Variants in FANCF observed in about 807,000 individuals in gnomAD.
The protein encoded by FANCF is FA complementation group F, also known as Fanconi anemia group F protein.
For missense variants in FANCF, 552 were observed against 481.8 expected (o/e 1.15, Z -1.36); for synonymous variants, 257 against 205.9 (o/e 1.25, Z -2.13).
rs1858574909 is a variant in FANCF, at chr11:22,622,609, C to T, written c.*2077G>A. ...AGTCCTTAAGAGAAAGTATATAAAG[C>T]TCTAATGCTGGTTTCATTTATTCAA... On this transcript the variant is annotated 3_prime_UTR_variant, in exon 1 of 1. Transcript: ENST00000327470. The T allele has an allele frequency of 5.5e-6, 1 of 183,084 alleles. No individual in the cohort carries two copies. The highest frequency in any genetic ancestry group is 1.2e-5 in the Non-Finnish European group (1 of 86,196). 11.3% of individuals were successfully genotyped at this position (183,084 alleles called of 1,614,324 possible).
In FANCF at chr11:22,625,817, C is replaced by G; in HGVS notation, c.-7G>C. 3 of 1,613,884 alleles carry G rather than the reference C, an allele frequency of 1.9e-6. No individual in the cohort carries two copies. The highest frequency in any genetic ancestry group is 2.5e-6 in the Non-Finnish European group (3 of 1,180,018). On this transcript the variant is annotated 5_prime_UTR_variant, in exon 1 of 1. Transcript: ENST00000327470. ...GCTGCAGAAGGGATTCCATGAGGTG[C>G]GCGAAGGCCCTACTTCCGCTTTCAC...
Position 22,625,089 on chromosome 11 carries a change from A to C in FANCF, c.722T>G (p.Leu241Arg). ...GEGSQVLVHW[L>R]LGNSEVFAAF... ...AGCAAAGACTTCCGAATTCCCCAGAAGCCAGTGGACTAGCACTTGGCTCCC... is the reference window on the plus strand; with the variant it reads ...AGCAAAGACTTCCGAATTCCCCAGACGCCAGTGGACTAGCACTTGGCTCCC... Residue 241 changes from leucine to arginine, a missense_variant, in exon 1 of 1, where the codon CTT becomes CGT. Transcript: ENST00000327470. The C allele has an allele frequency of 6.2e-7, 1 of 1,613,738 alleles. No homozygotes were observed. The highest frequency in any genetic ancestry group is 8.5e-7 in the Non-Finnish European group (1 of 1,179,732).
In FANCF at chr11:22,624,945, A is replaced by G. The variant is rs1177443868; in HGVS notation, c.866T>C (p.Leu289Pro). 1.2e-6 allele frequency: 2 copies of G among 1,614,190 alleles called. No individual in the cohort carries two copies. Among genetic ancestry groups the G allele is most frequent in the Non-Finnish European group, 1.7e-6 (2 of 1,180,034 alleles). Residue 289 changes from leucine to proline, a missense_variant, in exon 1 of 1, where the codon CTT becomes CCT. Coordinates refer to ENST00000327470, the MANE Select transcript of FANCF (RefSeq NM_022725.4). ...TDWGQRLHYD[L>P]QKGIWVGTES... ...AGTTCCAACCCAAATGCCTTTCTGA[A>G]GGTCATAGTGCAAACGTTGACCCCA...
Position 22,624,921 on chromosome 11 carries a change from G to T in FANCF, c.890C>A (p.Thr297Asn). The change falls in exon 1 of 1, where the codon ACT (threonine) becomes AAT (asparagine). Residue 297 changes from threonine to asparagine, a missense_variant. By Grantham distance (65) the Thr-to-Asn change is moderately conservative. Coordinates refer to ENST00000327470, the MANE Select transcript of FANCF (RefSeq NM_022725.4). ...YDLQKGIWVGTESQDVPWEEL... is the reference protein window; with the variant it reads ...YDLQKGIWVGNESQDVPWEEL... ...CTCCCAGGGCACATCTTGGGACTCA[G>T]TTCCAACCCAAATGCCTTTCTGAAG... is the stretch of plus-strand genomic sequence containing the variant. The T allele has an allele frequency of 6.2e-7, 1 of 1,614,190 alleles. No individual in the cohort carries two copies. The highest frequency in any genetic ancestry group is 8.5e-7 in the Non-Finnish European group (1 of 1,180,030).
In FANCF at chr11:22,624,534, T is replaced by C. The variant is rs766224915; in HGVS notation, c.*152A>G. On this transcript the variant is annotated 3_prime_UTR_variant, in exon 1 of 1. Coordinates refer to ENST00000327470, the MANE Select transcript of FANCF (RefSeq NM_022725.4). ...ATCCGTGACACTACATGCCAGCTAC[T>C]TTGCATATTTATAACTGTTTAATAA... The C allele has an allele frequency of 1.9e-5, 14 of 718,536 alleles. No homozygotes were observed. Among genetic ancestry groups the C allele is most frequent in the Non-Finnish European group, 3.3e-5 (14 of 426,466 alleles). The allele number at this position is 718,536 out of a possible 1,614,324, so 44.5% of individuals were successfully genotyped here. A position where few individuals can be genotyped will look rare whatever the true frequency, so the allele number is the denominator to read the frequency against.
chr11:22,624,415 C>T lies in FANCF; in HGVS notation c.*271G>A. On this transcript the variant is annotated 3_prime_UTR_variant, in exon 1 of 1. Coordinates refer to ENST00000327470, the MANE Select transcript of FANCF (RefSeq NM_022725.4). The stretch of plus-strand genomic sequence containing the variant: ...CTTTAAACGGTACACATATTTTCAA[C>T]ATTCTTACAAATGGGCCTTCTATTA... 4.0e-6 allele frequency: 2 copies of T among 494,052 alleles called. No individual in the cohort carries two copies. The highest frequency in any genetic ancestry group is 2.4e-5 in the South Asian group (1 of 41,064). 30.6% of individuals were successfully genotyped at this position (494,052 alleles called of 1,614,324 possible). A position where few individuals can be genotyped will look rare whatever the true frequency, so the allele number is the denominator to read the frequency against.
rs1366316961 is a variant in FANCF, at chr11:22,625,258, G to C, written c.553C>G (p.Pro185Ala). 4.3e-6 allele frequency: 7 copies of C among 1,614,012 alleles called. No homozygotes were observed. The highest frequency in any genetic ancestry group is 5.9e-6 in the Non-Finnish European group (7 of 1,180,046). The change falls in exon 1 of 1, where the codon CCC becomes GCC. Residue 185 changes from proline to alanine, a missense_variant. Transcript: ENST00000327470. ...QEVGKAEAER[P>A]ARFLSSLWER... ...CACAGGCTGCTGAGAAACCTGGCGG[G>C]ACGCTCCGCTTCGGCCTTCCCCACC...
In FANCF at chr11:22,622,706, C is replaced by T. The variant is rs1858576199; in HGVS notation, c.*1980G>A. ...GAAATAAAATAAATGACAGATACGG[C>T]TTCCACTTTCATGTTGCTTTTGTTT... On this transcript the variant is annotated 3_prime_UTR_variant, in exon 1 of 1. Transcript: ENST00000327470. 5.2e-6 allele frequency: 1 copy of T among 191,574 alleles called. No individual in the cohort carries two copies. Among genetic ancestry groups the T allele is most frequent in the African/African-American group, 2.3e-5 (1 of 43,046 alleles). 11.9% of individuals were successfully genotyped at this position (191,574 alleles called of 1,614,324 possible). A position where few individuals can be genotyped will look rare whatever the true frequency, so the allele number is the denominator to read the frequency against.
Position 22,624,637 on chromosome 11 carries a change from T to C in FANCF, c.*49A>G, listed in dbSNP as rs1299002206. 1 of 1,544,606 alleles carries C rather than the reference T, an allele frequency of 6.5e-7. No individual in the cohort carries two copies. The highest frequency in any genetic ancestry group is 1.4e-5 in the African/African-American group (1 of 73,346). On this transcript the variant is annotated 3_prime_UTR_variant, in exon 1 of 1. Coordinates refer to ENST00000327470, the MANE Select transcript of FANCF (RefSeq NM_022725.4). Reference sequence around the variant, plus strand: ...ATATTTGGTGAGAACATTGTAATTTTCATTTTGTAAACTATATATTCTATA... The same window carrying C: ...ATATTTGGTGAGAACATTGTAATTTCCATTTTGTAAACTATATATTCTATA...
At position 22,625,206 on chromosome 11, in the gene FANCF, AG is replaced by A. The variant is rs1479457172; in HGVS notation, c.604del (p.Leu202Ter). 8 of 1,613,658 alleles carry A rather than the reference AG, an allele frequency of 5.0e-6. No individual in the cohort carries two copies. The highest frequency in any genetic ancestry group is 6.8e-6 in the Non-Finnish European group (8 of 1,179,818). On this transcript the variant is annotated frameshift_variant, in exon 1 of 1. Transcript: ENST00000327470. LOFTEE classifies it low-confidence loss of function (END_TRUNC). ...CAACAGCGCCACCGCTATCACCTTC[AG>A]GAAGTTGTTCTGAGGCAAGCGCTCC... ...LWERLPQNNFLKVIAVALLQP... is the reference protein window; with the variant it reads ...LWERLPQNNFXKVIAVALLQP...
In FANCF at chr11:22,623,486, G is replaced by T; in HGVS notation, c.*1200C>A. The T allele has an allele frequency of 5.0e-6, 1 of 199,732 alleles. No individual in the cohort carries two copies. The highest frequency in any genetic ancestry group is 7.7e-5 in the East Asian group (1 of 12,928). The allele number at this position is 199,732 out of a possible 1,614,324, so 12.4% of individuals were successfully genotyped here. ...ATTCAAGGCAATCACTATCAGCTGT[G>T]GAACACCCAGGTAAACTAACACAAC... On this transcript the variant is annotated 3_prime_UTR_variant, in exon 1 of 1. Transcript: ENST00000327470.
chr11:22,625,662 C>G lies in FANCF; in HGVS notation c.149G>C (p.Arg50Pro), dbSNP rs371420932. The G allele has an allele frequency of 5.2e-5, 84 of 1,613,844 alleles. No homozygotes were observed. The highest frequency in any genetic ancestry group is 7.0e-5 in the Non-Finnish European group (83 of 1,179,976). Reference protein sequence around the residue: ...YLRHIHRRFGRHGPIRTALER... With the variant: ...YLRHIHRRFGPHGPIRTALER... Reference sequence around the variant, plus strand: ...CAGAGCCGTGCGAATGGGGCCATGCCGACCAAAGCGCCGATGGATGTGGCG... The same window carrying G: ...CAGAGCCGTGCGAATGGGGCCATGCGGACCAAAGCGCCGATGGATGTGGCG... Residue 50 changes from arginine to proline, a missense_variant, in exon 1 of 1, where the codon CGG becomes CCG. By Grantham distance (103) the Arg-to-Pro change is moderately radical. Coordinates refer to ENST00000327470, the MANE Select transcript of FANCF (RefSeq NM_022725.4).
In FANCF at chr11:22,624,816, C is replaced by A. The variant is rs766067137; in HGVS notation, c.995G>T (p.Cys332Phe). 1 of 1,614,182 alleles carries A rather than the reference C, an allele frequency of 6.2e-7. No individual in the cohort carries two copies. Among genetic ancestry groups the A allele is most frequent in the South Asian group, 1.1e-5 (1 of 91,084 alleles). The stretch of plus-strand genomic sequence containing the variant: ...TTCAAAATCTCCATCCTGCGCTTTA[C>A]AGGTCTCCAGGGCAGTTAGAACTTT... Reference protein sequence around the residue: ...KDKVLTALETCKAQDGDFEVP... With the variant: ...KDKVLTALETFKAQDGDFEVP... The change falls in exon 1 of 1, where the codon TGT (cysteine) becomes TTT (phenylalanine). Residue 332 changes from cysteine to phenylalanine, a missense_variant. Coordinates refer to ENST00000327470, the MANE Select transcript of FANCF (RefSeq NM_022725.4).
In FANCF at chr11:22,622,860, A is replaced by C. The variant is rs1414257890; in HGVS notation, c.*1826T>G. The stretch of plus-strand genomic sequence containing the variant: ...TAAAATAACAGAATAATAAATGGTA[A>C]GTATAAAATAGATTTTAAAATGTTA... On this transcript the variant is annotated 3_prime_UTR_variant, in exon 1 of 1. Coordinates refer to ENST00000327470, the MANE Select transcript of FANCF (RefSeq NM_022725.4). The C allele has an allele frequency of 1.0e-5, 2 of 191,322 alleles. No homozygotes were observed. Among genetic ancestry groups the C allele is most frequent in the Non-Finnish European group, 2.2e-5 (2 of 91,414 alleles). The allele number at this position is 191,322 out of a possible 1,614,324, so 11.9% of individuals were successfully genotyped here. A position where few individuals can be genotyped will look rare whatever the true frequency, so the allele number is the denominator to read the frequency against.
At position 22,624,646 on chromosome 11, in the gene FANCF, A is replaced by G. The variant is rs781690040; in HGVS notation, c.*40T>C. On this transcript the variant is annotated 3_prime_UTR_variant, in exon 1 of 1. Coordinates refer to ENST00000327470, the MANE Select transcript of FANCF (RefSeq NM_022725.4). Reference sequence around the variant, plus strand: ...GAGAACATTGTAATTTTCATTTTGTAAACTATATATTCTATATTCAAGTAA... The same window carrying G: ...GAGAACATTGTAATTTTCATTTTGTGAACTATATATTCTATATTCAAGTAA... The G allele has an allele frequency of 1.0e-5, 16 of 1,578,642 alleles. No individual in the cohort carries two copies. The highest frequency in any genetic ancestry group is 1.7e-4 in the Middle Eastern group (1 of 6,024).
At position 22,624,893 on chromosome 11, in the gene FANCF, C is replaced by T. The variant is rs1341351880; in HGVS notation, c.918G>A (p.Glu306=). The T allele has an allele frequency of 1.2e-6, 2 of 1,614,184 alleles. No homozygotes were observed. Among genetic ancestry groups the T allele is most frequent in the Non-Finnish European group, 1.7e-6 (2 of 1,180,032 alleles). Residue 306 remains glutamate (E), a synonymous_variant, in exon 1 of 1, where the codon GAG becomes GAA. Coordinates refer to ENST00000327470, the MANE Select transcript of FANCF (RefSeq NM_022725.4). The part of the protein sequence containing the change: ...GTESQDVPWE[E]LHNRFQSLCQ... ...AGAGGCTTTGAAACCTATTGTGCAACTCCTCCCAGGGCACATCTTGGGACT... is the reference window on the plus strand; with the variant it reads ...AGAGGCTTTGAAACCTATTGTGCAATTCCTCCCAGGGCACATCTTGGGACT...
At position 22,625,465 on chromosome 11, in the gene FANCF, A is replaced by G. The variant is rs1858630972; in HGVS notation, c.346T>C (p.Phe116Leu). 1 of 1,614,074 alleles carries G rather than the reference A, an allele frequency of 6.2e-7. No individual in the cohort carries two copies. The highest frequency in any genetic ancestry group is 1.7e-5 in the Admixed American group (1 of 60,008). The change falls in exon 1 of 1, where the codon TTT becomes CTT. Residue 116 changes from phenylalanine to leucine, a missense_variant. Phe to Leu is a conservative substitution (Grantham distance 22). Transcript: ENST00000327470. ...AARYHLVQQL[F>L]PGPGVRDADE... ...GCGTCCCGGACGCCCGGGCCGGGAAAGAGTTGCTGCACCAGGTGGTAACGA... is the reference window on the plus strand; with the variant it reads ...GCGTCCCGGACGCCCGGGCCGGGAAGGAGTTGCTGCACCAGGTGGTAACGA...
In FANCF at chr11:22,625,499, C is replaced by T. The variant is rs1565055438; in HGVS notation, c.312G>A (p.Gly104=). Residue 104 remains glycine, a synonymous_variant, in exon 1 of 1, where the codon GGG becomes GGA. Coordinates refer to ENST00000327470, the MANE Select transcript of FANCF (RefSeq NM_022725.4). ...GCACCAGGTGGTAACGAGCTGCATC[C>T]CCGAGGGCCCGGTTCTCCAGCAGGC... The part of the protein sequence containing the change: ...SLRLLENRAL[G]DAARYHLVQQ... 1 of 1,614,236 alleles carries T rather than the reference C, an allele frequency of 6.2e-7. No individual in the cohort carries two copies. The highest frequency in any genetic ancestry group is 2.2e-5 in the East Asian group (1 of 44,880).
chr11:22,625,663 G>A lies in FANCF; in HGVS notation c.148C>T (p.Arg50Trp), dbSNP rs577253174. Reference sequence around the variant, plus strand: ...AGAGCCGTGCGAATGGGGCCATGCCGACCAAAGCGCCGATGGATGTGGCGC... The same window carrying A: ...AGAGCCGTGCGAATGGGGCCATGCCAACCAAAGCGCCGATGGATGTGGCGC... The part of the protein sequence containing the change: ...YLRHIHRRFG[R>W]HGPIRTALER... Residue 50 changes from arginine to tryptophan, a missense_variant, in exon 1 of 1, where the codon CGG becomes TGG. Transcript: ENST00000327470. 402 of 1,613,974 alleles carry A rather than the reference G, an allele frequency of 2.5e-4. 11 individuals carry two copies. The South Asian group carries it at 2.6e-3, about 11-fold the overall frequency.
Sources: allele counts gnomAD v4.1 joint callset, GRCh38; gene constraint gnomAD v4.1.1; transcripts MANE v1.5; gene names NCBI Gene and HGNC (gene_info 2026-07-23, HGNC 2026-07-21).